The following USP47 variants were observed in gnomAD, a reference collection of about 807,000 sequenced individuals.
USP47 encodes ubiquitin carboxyl-terminal hydrolase 47.
In USP47, 35 loss-of-function variants were observed where a neutral mutation model predicts 165.1. The observed-to-expected ratio is 0.21, with a 90% CI of 0.16 to 0.28. The LOEUF is 0.28. Ranked by LOEUF, USP47 falls within the 10% of genes least tolerant of loss-of-function variation. The pLI, the probability that USP47 is intolerant of heterozygous loss-of-function variation, is 1.00. For missense variants in USP47, 1,277 were observed against 1,607.4 expected (o/e 0.79, Z 3.52); for synonymous variants, 531 against 544.5 (o/e 0.98, Z 0.35).
intron 24 of USP47, chr11:11,952,432 A>G (rs16910238): frequency 0.038 from 6,425 of 168,424 alleles, 429 homozygotes; most frequent in African/African-American, 0.14. Context: ...ATAGGAGCCA[A>G]TAGAGAAACA....
rs571755168 is a variant in USP47, at chr11:11,922,649, A to T, written c.1219-75A>T. ...TAAATTGTGTGAAAATATTAGCAGT[A>T]TATAGGTACAAAGTTTTGTTGAACA... On this transcript the variant is annotated intron_variant, in intron 10 of 27. Transcript: ENST00000527733. 5.4e-5 allele frequency: 65 copies of T among 1,196,554 alleles called. No individual in the cohort carries two copies. The South Asian group carries it at 1.2e-3, about 21-fold the overall frequency. 74.1% of individuals were successfully genotyped at this position (1,196,554 alleles called of 1,614,324 possible).
intron 11 of USP47, among the ~76,000 whole-genome samples, 179 bp from the exon 12 acceptor site, chr11:11,929,255 T>C (rs547235259): frequency 7.2e-4 from 110 of 152,272 alleles, no homozygotes; most frequent in African/African-American, 2.6e-3. Flanking sequence ...GTGTAACTTC[T>C]GGTATATACA....
chr11:11,914,168 T>C (rs895553239), intron 8 of USP47, among the ~76,000 whole-genome samples: 4 of 152,118 alleles, frequency 2.6e-5, no homozygotes, highest in Non-Finnish European at 5.9e-5. Flanking sequence ...ATTATATGGC[T>C]ATAGTAATCA....
chr11:11,945,936 C>A (rs188051513), intron 20 of USP47, among the ~76,000 whole-genome samples: 3,351 of 146,404 alleles, frequency 0.023, 105 homozygotes, highest in East Asian at 0.083. Flanking sequence ...CCCTGTCCCC[C>A]CCCCAAAAAA....
At chr11:11,854,744 G>A (rs553887857) in intron 1 of USP47, among the ~76,000 whole-genome samples, 1 of 147,592 alleles carries the variant, frequency 6.8e-6, no homozygotes, top group Admixed American at 6.8e-5. Flanking sequence ...ATTATTGTTA[G>A]ATTTGACAGG....
chr11:11,897,737 T>A (rs756929749), intron 5 of USP47, 44 bp downstream of exon 5: 2 of 1,363,842 alleles, frequency 1.5e-6, no homozygotes, highest in Admixed American at 2.0e-5. Flanking sequence ...GATTTAAGAA[T>A]GAAAATATCA....
Position 11,842,045 on chromosome 11 carries a change from G to T in USP47, c.-141G>T. ...CGGTGTCTGCGCGCTGGTGTCTGAG[G>T]CCCAGGCTGAGGCCTCCGCTATTGC... is the stretch of plus-strand genomic sequence containing the variant. On this transcript the variant is annotated 5_prime_UTR_variant, in exon 1 of 28. Coordinates refer to ENST00000527733, the MANE Select transcript of USP47 (RefSeq NM_001282659.2). 2.8e-6 allele frequency: 3 copies of T among 1,061,612 alleles called. No homozygotes were observed. Among genetic ancestry groups the T allele is most frequent in the Non-Finnish European group, 4.1e-6 (3 of 740,392 alleles). The allele number at this position is 1,061,612 out of a possible 1,614,324, so 65.8% of individuals were successfully genotyped here.
In USP47 at chr11:11,957,791, A is replaced by G. The variant is rs922958928; in HGVS notation, c.*1616A>G. ...TACTGTTAGCAAATGTGGCTCTGCC[A>G]TTTGAATATAATCACCGAGAATTCC... is the stretch of plus-strand genomic sequence containing the variant. On this transcript the variant is annotated 3_prime_UTR_variant, in exon 28 of 28. Coordinates refer to ENST00000527733, the MANE Select transcript of USP47 (RefSeq NM_001282659.2). The G allele has an allele frequency of 2.6e-5, 4 of 152,142 alleles. No homozygotes were observed. The highest frequency in any genetic ancestry group is 4.4e-5 in the Non-Finnish European group (3 of 68,024). The allele number at this position is 152,142 out of a possible 1,614,324, so 9.4% of individuals were successfully genotyped here. A position where few individuals can be genotyped will look rare whatever the true frequency, so the allele number is the denominator to read the frequency against.
chr11:11,948,286 C>T, intron 21 of USP47, 166 bp downstream of exon 21: 1 of 900,112 alleles, frequency 1.1e-6, no homozygotes, highest in Non-Finnish European at 1.6e-6. Flanking sequence ...CTTCACTCAT[C>T]TAACAAACAT....
intron 11 of USP47, among the ~76,000 whole-genome samples, chr11:11,924,823 C>T (rs899639968): frequency 5.3e-5 from 8 of 151,828 alleles, no homozygotes; most frequent in African/African-American, 9.7e-5. Flanking sequence ...TCTTTCATTT[C>T]GGATACTGGC....
At chr11:11,920,941 T>G (rs1853791700) in intron 10 of USP47, among the ~76,000 whole-genome samples, 1 of 112,418 alleles carries the variant, frequency 8.9e-6, no homozygotes, top group African/African-American at 3.9e-5. Flanking sequence ...ACTTACCTAC[T>G]ATTTTGTATT....
rs1421592856 is a variant in USP47 at position 11,948,565 on chromosome 11, A to G, written c.3348+7A>G. On this transcript the variant is annotated splice_region_variant and intron_variant, in intron 22 of 27. Transcript: ENST00000527733. ...TTTGGTCAATGAACAAGAGGTAAGT[A>G]ATACGTTTAAGAATAATATAAGGTT... The G allele has an allele frequency of 1.3e-6, 2 of 1,593,062 alleles. No individual in the cohort carries two copies. The highest frequency in any genetic ancestry group is 2.7e-5 in the African/African-American group (2 of 74,472).
In USP47 at chr11:11,885,784, G is replaced by C. The variant is rs558375517; in HGVS notation, c.357+1204G>C. On this transcript the variant is annotated intron_variant, in intron 3 of 27. Coordinates refer to ENST00000527733, the MANE Select transcript of USP47 (RefSeq NM_001282659.2). ...AGCACCTCACAAGCTAAGACCCACT[G>C]GCTTGGAATTGGCTCCCAACGGGTT... Among the ~76,000 whole-genome samples, 9 of 152,330 alleles carry C rather than the reference G, an allele frequency of 5.9e-5. No individual in the cohort carries two copies. The South Asian group carries it at 1.7e-3, about 28-fold the overall frequency.
At chr11:11,923,527 T>G (rs1854017535) in intron 11 of USP47, among the ~76,000 whole-genome samples, 1 of 152,118 alleles carries the variant, frequency 6.6e-6, no homozygotes. Flanking sequence ...GTCAATAACT[T>G]TAAGGGTTTT....
intron 1 of USP47, among the ~76,000 whole-genome samples, chr11:11,847,196 A>G (rs1848475191): frequency 6.6e-6 from 1 of 152,048 alleles, no homozygotes; most frequent in African/African-American, 2.4e-5. Flanking sequence ...TTAGACTTTC[A>G]TATTTAAAAA....
chr11:11,958,797 G>T lies in USP47; in HGVS notation c.*2622G>T, dbSNP rs561556204. 1 of 152,218 alleles carries T rather than the reference G, an allele frequency of 6.6e-6. No homozygotes were observed. The highest frequency in any genetic ancestry group is 1.5e-5 in the Non-Finnish European group (1 of 68,058). The allele number at this position is 152,218 out of a possible 1,614,324, so 9.4% of individuals were successfully genotyped here. ...CGTGTGTAGCTGATCTGTACGGGAC[G>T]TGTATGTAAGGAAGAGCAATCATGA... is the stretch of plus-strand genomic sequence containing the variant. On this transcript the variant is annotated 3_prime_UTR_variant, in exon 28 of 28. Transcript: ENST00000527733.
At chr11:11,938,608 G>T (rs1426314568) in intron 18 of USP47, among the ~76,000 whole-genome samples, 1 of 152,026 alleles carries the variant, frequency 6.6e-6, no homozygotes, top group East Asian at 1.9e-4. Context: ...TAAAATACAG[G>T]ATTGGAAATG....
At chr11:11,895,899 T>G (rs1851816715) in intron 4 of USP47, among the ~76,000 whole-genome samples, 1 of 152,224 alleles carries the variant, frequency 6.6e-6, no homozygotes, top group South Asian at 2.1e-4. Flanking sequence ...TGTTCTCATA[T>G]TCTTCTTGCT....
Position 11,864,347 on chromosome 11 carries a change from A to T in USP47, c.40-15830A>T, listed in dbSNP as rs116618835. On this transcript the variant is annotated intron_variant, in intron 1 of 27. Coordinates refer to ENST00000527733, the MANE Select transcript of USP47 (RefSeq NM_001282659.2). ...TTTATGGAGTTAAGCTATTTATAAA[A>T]AATTTATTTTTTTAAATTGTAAAAT... is the stretch of plus-strand genomic sequence containing the variant. Among the ~76,000 whole-genome samples, 741 of 152,208 alleles carry T rather than the reference A, an allele frequency of 4.9e-3. 6 individuals carry two copies. The highest frequency in any genetic ancestry group is 0.017 in the African/African-American group (720 of 41,554).
Sources: gnomAD v4.1 joint callset for allele counts (sites outside exome capture counted in the v4.1 genomes callset) on GRCh38, gnomAD v4.1.1 for gene constraint, MANE v1.5 for transcripts, NCBI Gene and HGNC (gene_info 2026-07-23, HGNC 2026-07-21) for gene names.